MCU: variants seen among roughly 807,000 people sequenced by gnomAD.
MCU encodes the protein mitochondrial calcium uniporter.
In MCU, 12 loss-of-function variants were observed where a neutral mutation model predicts 45.2. The ratio of observed to expected loss-of-function variants is 0.27; its 90% confidence interval spans 0.17 to 0.43. MCU has a LOEUF of 0.43. Among genes scored for constraint, MCU ranks in the 20% least tolerant of loss-of-function variants. The probability of loss-of-function intolerance (pLI) is 1.00; values close to 1 mark genes in which losing one functional copy is unlikely to be tolerated. For synonymous variants in MCU, 160 were observed against 165.1 expected (o/e 0.97, Z 0.24); for missense variants, 324 against 436.7 (o/e 0.74, Z 2.30).
At chr10:72,773,859 A>G (rs1843849727) in intron 1 of MCU, among the ~76,000 whole-genome samples, 2 of 152,212 alleles carry the variant, frequency 1.3e-5, no homozygotes, top group Admixed American at 6.5e-5. Flanking sequence ...CTGCCACCCA[A>G]GAATATTTTG....
At chr10:72,826,131 T>C (rs1162799011) in intron 1 of MCU, among the ~76,000 whole-genome samples, 1 of 152,182 alleles carries the variant, frequency 6.6e-6, no homozygotes, top group Non-Finnish European at 1.5e-5. Flanking sequence ...CCTGGTGACC[T>C]TGTTAAAATG....
intron 1 of MCU, among the ~76,000 whole-genome samples, chr10:72,785,411 G>C (rs1482072164): frequency 6.6e-6 from 1 of 152,126 alleles, no homozygotes; most frequent in Non-Finnish European, 1.5e-5. Flanking sequence ...ACATTTTAGA[G>C]TTTTCAAAAA....
intron 3 of MCU, 138 bp from the exon 4 acceptor site, chr10:72,860,285 A>C (rs964563875): frequency 1.5e-6 from 1 of 664,012 alleles, no homozygotes; most frequent in Non-Finnish European, 2.6e-6. Flanking sequence ...CTTTGTTTGC[A>C]TAGGAAATGA....
intron 1 of MCU, among the ~76,000 whole-genome samples, chr10:72,826,476 T>C (rs1360446245): frequency 2.0e-5 from 3 of 152,200 alleles, no homozygotes; most frequent in Non-Finnish European, 2.9e-5. Flanking sequence ...TATGTTATTA[T>C]AGATGCAACT....
chr10:72,711,011 T>C (rs984222265), intron 1 of MCU, among the ~76,000 whole-genome samples: 1 of 151,886 alleles, frequency 6.6e-6, no homozygotes, highest in African/African-American at 2.4e-5. Flanking sequence ...AACCCCTGTC[T>C]CTACTAAAAA....
chr10:72,827,847 G>A (rs1844820559), intron 1 of MCU, among the ~76,000 whole-genome samples: 2 of 152,198 alleles, frequency 1.3e-5, no homozygotes, highest in Non-Finnish European at 2.9e-5. Flanking sequence ...AGTTGTGGAA[G>A]TGGGCCCAAG....
chr10:72,784,132 C>T (rs933354678), intron 1 of MCU, among the ~76,000 whole-genome samples: 1 of 152,216 alleles, frequency 6.6e-6, no homozygotes, highest in East Asian at 1.9e-4. Flanking sequence ...GATGAATGCC[C>T]ACTTACCTGG....
intron 1 of MCU, among the ~76,000 whole-genome samples, chr10:72,707,729 G>T (rs769533658): frequency 1.3e-5 from 2 of 151,426 alleles, no homozygotes; most frequent in Non-Finnish European, 2.9e-5. Flanking sequence ...TCTTTGTTCC[G>T]TTAACTTGCT....
At chr10:72,758,595 C>T (rs1304025522) in intron 1 of MCU, among the ~76,000 whole-genome samples, 1 of 152,072 alleles carries the variant, frequency 6.6e-6, no homozygotes, top group Non-Finnish European at 1.5e-5. Context: ...CTTTCAGTTA[C>T]TAGAATTAAT....
At chr10:72,743,587 A>G (rs1259991188) in intron 1 of MCU, among the ~76,000 whole-genome samples, 1 of 152,042 alleles carries the variant, frequency 6.6e-6, no homozygotes, top group Non-Finnish European at 1.5e-5. Flanking sequence ...CTGTACTTGT[A>G]CATTTAAGGT....
At chr10:72,702,488 G>A (rs1842770426) in intron 1 of MCU, among the ~76,000 whole-genome samples, 1 of 152,172 alleles carries the variant, frequency 6.6e-6, no homozygotes, top group South Asian at 2.1e-4. Flanking sequence ...CATTTTGTGA[G>A]GCACTGCCCA....
intron 1 of MCU, among the ~76,000 whole-genome samples, chr10:72,749,560 A>G (rs1442421128): frequency 2.6e-5 from 4 of 152,166 alleles, no homozygotes; most frequent in Admixed American, 1.3e-4. Flanking sequence ...ACTGCTTTCT[A>G]TGTCTTGGTG....
intron 4 of MCU, among the ~76,000 whole-genome samples, chr10:72,864,475 T>G (rs1564578298): frequency 6.6e-6 from 1 of 152,232 alleles, no homozygotes; most frequent in Non-Finnish European, 1.5e-5. Flanking sequence ...AAACAGACAA[T>G]GTAAACTTAC....
At chr10:72,759,247 G>C (rs1232859532) in intron 1 of MCU, among the ~76,000 whole-genome samples, 1 of 152,160 alleles carries the variant, frequency 6.6e-6, no homozygotes, top group Non-Finnish European at 1.5e-5. Flanking sequence ...AAGGGGGTGC[G>C]TGTGAGAGGG....
At chr10:72,725,947 A>AT (rs1843093027) in intron 1 of MCU, among the ~76,000 whole-genome samples, 1 of 152,064 alleles carries the variant, frequency 6.6e-6, no homozygotes, top group African/African-American at 2.4e-5. Context: ...CTAAAATCAT[A>AT]TTTATTTCCT....
chr10:72,769,955 C>G (rs1843781274), intron 1 of MCU, among the ~76,000 whole-genome samples: 1 of 152,170 alleles, frequency 6.6e-6, no homozygotes, highest in Admixed American at 6.5e-5. Flanking sequence ...CATCTGAGCA[C>G]CACTTTAGCT....
intron 1 of MCU, among the ~76,000 whole-genome samples, chr10:72,731,741 C>T (rs1401837328): frequency 1.3e-5 from 2 of 152,100 alleles, no homozygotes; most frequent in African/African-American, 4.8e-5. Context: ...ATTTCTTTCA[C>T]TTTACGTAAT....
chr10:72,776,656 A>G (rs1030573486), intron 1 of MCU, among the ~76,000 whole-genome samples: 47 of 152,150 alleles, frequency 3.1e-4, no homozygotes, highest in African/African-American at 1.0e-3. Flanking sequence ...TAGGAGTGGA[A>G]GAAGATAAGA....
intron 2 of MCU, among the ~76,000 whole-genome samples, chr10:72,841,745 A>G (rs968158917): frequency 2.0e-5 from 3 of 152,216 alleles, no homozygotes; most frequent in Non-Finnish European, 4.4e-5. Context: ...TTTCACTGGC[A>G]CATCCTGGCT....
Sources: gnomAD v4.1 joint callset for allele counts (sites outside exome capture counted in the v4.1 genomes callset) on GRCh38, gnomAD v4.1.1 for gene constraint, MANE v1.5 for transcripts, NCBI Gene and HGNC (gene_info 2026-07-23, HGNC 2026-07-21) for gene names.